The following GVQW3 variants were observed in gnomAD, a reference collection of about 807,000 sequenced individuals.
The protein encoded by GVQW3 is GVQW motif containing 3.
A neutral mutation model predicts 12.5 loss-of-function variants in GVQW3; 7 were observed. That is an observed-to-expected ratio of 0.56 (90% CI 0.32 to 1.05). The LOEUF (loss-of-function observed/expected upper bound fraction) is 1.05, where lower values mean the gene tolerates loss of function less well. Ranked by LOEUF, GVQW3 falls within the 50% of genes least tolerant of loss-of-function variation. The pLI is 0.04. For synonymous variants in GVQW3, 71 were observed against 67.2 expected, an observed-to-expected ratio of 1.06 and a Z score of -0.28; for missense variants, 188 against 190.8, an observed-to-expected ratio of 0.99 and a Z score of 0.09.
At chr11:76,412,932 G>C (rs1181340729), downstream of GVQW3, 2 of 152,232 alleles carry the variant, frequency 1.3e-5, no homozygotes, top group African/African-American at 4.8e-5. Flanking sequence ...GAGTGCTGCT[G>C]TCAGAATGGC....
downstream of GVQW3, chr11:76,408,427 T>G (rs1382808348): frequency 6.6e-6 from 1 of 152,242 alleles, no homozygotes; most frequent in East Asian, 1.9e-4. Context: ...CTGTCAAGGC[T>G]TACCTCATAT....
chr11:76,398,517 T>A (rs1946960186), intron 1 of GVQW3, among the ~76,000 whole-genome samples: 5 of 152,194 alleles, frequency 3.3e-5, no homozygotes, highest in Admixed American at 3.3e-4. Context: ...TTTACCATGT[T>A]GCCCAGGGTG....
intron 1 of GVQW3, among the ~76,000 whole-genome samples, chr11:76,400,384 G>A (rs527412165): frequency 6.6e-6 from 1 of 151,310 alleles, no homozygotes; most frequent in African/African-American, 2.4e-5. Context: ...AAAGTGCTGG[G>A]ATTACAGGTG....
At chr11:76,382,728 G>C (rs1946790317) in intron 1 of GVQW3, 1 of 363,468 alleles carries the variant, frequency 2.8e-6, no homozygotes, top group Admixed American at 4.3e-5. Context: ...ACCTTAGCTT[G>C]TTGTGGCTGT....
intron 1 of GVQW3, among the ~76,000 whole-genome samples, chr11:76,399,108 GTATTTTATTT>G (rs761524235): frequency 1.3e-5 from 2 of 152,010 alleles, no homozygotes; most frequent in African/African-American, 4.8e-5. Flanking sequence ...GTATTGTATT[GTATTTTATTT>G]TATTTTATTT....
At chr11:76,388,853 A>G (rs1946863141) in intron 1 of GVQW3, among the ~76,000 whole-genome samples, 1 of 152,094 alleles carries the variant, frequency 6.6e-6, no homozygotes, top group Admixed American at 6.6e-5. Context: ...TTTAAATTTT[A>G]TTATCCTTTA....
At chr11:76,414,033 A>G (rs1268113789) in exon 2 of GVQW3, 1 of 152,102 alleles carries the variant, frequency 6.6e-6, no homozygotes, top group Non-Finnish European at 1.5e-5. Flanking sequence ...GGAGGGAACC[A>G]CTTAGGCTAC....
chr11:76,382,064 A>G lies in GVQW3; in HGVS notation c.236A>G (p.Lys79Arg), dbSNP rs1946777855. 1 of 1,536,644 alleles carries G rather than the reference A, an allele frequency of 6.5e-7. No homozygotes were observed. The highest frequency in any genetic ancestry group is 8.7e-7 in the Non-Finnish European group (1 of 1,147,010). The change falls in exon 1 of 2, where the codon AAG becomes AGG. Residue 79 changes from lysine to arginine, a missense_variant. Physicochemically the swap from Lys to Arg is conservative, Grantham distance 26. Coordinates refer to ENST00000529331, the MANE Select transcript of GVQW3 (RefSeq NM_001347885.2). ...ACAGATGACAATATCCAGAAGGTCAAGGACTTGGTTTGTTCAAACAGGCAG... is the reference window on the plus strand; with the variant it reads ...ACAGATGACAATATCCAGAAGGTCAGGGACTTGGTTTGTTCAAACAGGCAG... ...HRTDDNIQKVKDLVCSNRQLT... is the reference protein window; with the variant it reads ...HRTDDNIQKVRDLVCSNRQLT...
chr11:76,391,477 G>A (rs1405568674), intron 1 of GVQW3, among the ~76,000 whole-genome samples: 2 of 152,218 alleles, frequency 1.3e-5, no homozygotes, highest in African/African-American at 2.4e-5. Flanking sequence ...TTATTTATGG[G>A]AGACCAGGGC....
intron 1 of GVQW3, among the ~76,000 whole-genome samples, chr11:76,386,442 T>G (rs1291715458): frequency 6.6e-6 from 1 of 152,214 alleles, no homozygotes; most frequent in Non-Finnish European, 1.5e-5. Flanking sequence ...TTCAGATGAA[T>G]TTCTAGTCAA....
downstream of GVQW3, among the ~76,000 whole-genome samples, chr11:76,408,941 A>G (rs1279843599): frequency 1.3e-5 from 2 of 152,086 alleles, no homozygotes; most frequent in African/African-American, 4.8e-5. Flanking sequence ...AATCCTCCCA[A>G]TCCCCTTCCT....
At chr11:76,409,374 A>G (rs1403071833), downstream of GVQW3, among the ~76,000 whole-genome samples, 2 of 152,230 alleles carry the variant, frequency 1.3e-5, no homozygotes, top group Non-Finnish European at 2.9e-5. Flanking sequence ...ATTTAGGGGA[A>G]GAACTTTCTA....
rs1418084038 is a variant in GVQW3 at position 76,405,583 on chromosome 11, C to G, written c.*1825C>G. 2.6e-5 allele frequency: 4 copies of G among 152,278 alleles called. No homozygotes were observed. The East Asian group carries it at 7.7e-4, about 29-fold the overall frequency. The allele number at this position is 152,278 out of a possible 1,614,324, so 9.4% of individuals were successfully genotyped here. A position where few individuals can be genotyped will look rare whatever the true frequency, so the allele number is the denominator to read the frequency against. ...TCTGAGGGCTCTTTCCATTGCCATG[C>G]TATGTTCCACCCTCCCCTTCAACTG... On this transcript the variant is annotated 3_prime_UTR_variant, in exon 2 of 2. Transcript: ENST00000529331.
intron 1 of GVQW3, 59 bp from the exon 2 acceptor site, chr11:76,403,601 G>A (rs1226171656): frequency 4.6e-6 from 2 of 438,022 alleles, no homozygotes; most frequent in African/African-American, 4.0e-5. Flanking sequence ...TCCTGAGTAG[G>A]TGGAACTACA....
At chr11:76,401,788 A>AAAG (rs1555029839) in intron 1 of GVQW3, among the ~76,000 whole-genome samples, 3 of 150,962 alleles carry the variant, frequency 2.0e-5, no homozygotes, top group Non-Finnish European at 3.0e-5. Context: ...AAAAAAAAAA[A>AAAG]AAAGAAAGAA....
rs924109529 is a variant in GVQW3 at position 76,403,898 on chromosome 11, C to G, written c.*140C>G. The stretch of plus-strand genomic sequence containing the variant: ...CTCAAGAAGCGAGAACAAATTTGCC[C>G]TTCTATCTTTTTGTTCTATTCAGGT... On this transcript the variant is annotated 3_prime_UTR_variant, in exon 2 of 2. Coordinates refer to ENST00000529331, the MANE Select transcript of GVQW3 (RefSeq NM_001347885.2). 1.3e-5 allele frequency: 9 copies of G among 700,762 alleles called. No homozygotes were observed. The highest frequency in any genetic ancestry group is 3.5e-5 in the African/African-American group (2 of 57,146). 43.4% of individuals were successfully genotyped at this position (700,762 alleles called of 1,614,324 possible).
intron 1 of GVQW3, among the ~76,000 whole-genome samples, chr11:76,398,902 T>A (rs566637235): frequency 6.6e-6 from 1 of 152,322 alleles, no homozygotes; most frequent in South Asian, 2.1e-4. Context: ...TGTATAGGAT[T>A]CTGGTTTGAG....
At chr11:76,384,423 A>G (rs1421051900) in intron 1 of GVQW3, among the ~76,000 whole-genome samples, 1 of 152,174 alleles carries the variant, frequency 6.6e-6, no homozygotes, top group Non-Finnish European at 1.5e-5. Flanking sequence ...CCCAGGTTCA[A>G]GTGTTTCTCC....
Position 76,405,573 on chromosome 11 carries a change from C to T in GVQW3, c.*1815C>T, listed in dbSNP as rs1295127254. The T allele has an allele frequency of 1.3e-5, 2 of 152,254 alleles. No homozygotes were observed. Among genetic ancestry groups the T allele is most frequent in the Admixed American group, 1.3e-4 (2 of 15,290 alleles). 9.4% of individuals were successfully genotyped at this position (152,254 alleles called of 1,614,324 possible). A position where few individuals can be genotyped will look rare whatever the true frequency, so the allele number is the denominator to read the frequency against. ...CTGACTGAAGTCTGAGGGCTCTTTC[C>T]ATTGCCATGCTATGTTCCACCCTCC... On this transcript the variant is annotated 3_prime_UTR_variant, in exon 2 of 2. Transcript: ENST00000529331.
Sources: gnomAD v4.1 joint callset for allele counts (sites outside exome capture counted in the v4.1 genomes callset) on GRCh38, gnomAD v4.1.1 for gene constraint, MANE v1.5 for transcripts, NCBI Gene and HGNC (gene_info 2026-07-23, HGNC 2026-07-21) for gene names.